Variants in SMYD3 observed in about 807,000 individuals in gnomAD.
SMYD3 encodes SET and MYND domain containing 3.
Under a neutral mutation model 57.7 loss-of-function variants are expected in SMYD3, and 36 were observed. That is an observed-to-expected ratio of 0.62 (90% confidence interval 0.48 to 0.82). The LOEUF is 0.82. Among genes scored for constraint, SMYD3 ranks in the 40% least tolerant of loss-of-function variants. The pLI is 0.00. For missense variants in SMYD3, 515 were observed against 538.8 expected (o/e 0.96, Z 0.44); for synonymous variants, 211 against 195.0 (o/e 1.08, Z -0.68).
intron 5 of SMYD3, among the ~76,000 whole-genome samples, chr1:246,251,348 G>A (rs72776329): frequency 0.11 from 15,878 of 139,294 alleles, 1,454 homozygotes; most frequent in East Asian, 0.27. Context: ...CTTCCACAGA[G>A]TGTTATTTTG....
chr1:245,991,725 A>G (rs540991222), intron 5 of SMYD3, among the ~76,000 whole-genome samples: 6 of 152,320 alleles, frequency 3.9e-5, no homozygotes, highest in Admixed American at 3.9e-4. Flanking sequence ...ACCAAAACAG[A>G]AGCCAATGTG....
At chr1:246,034,890 T>C (rs1208620421) in intron 5 of SMYD3, among the ~76,000 whole-genome samples, 1 of 152,190 alleles carries the variant, frequency 6.6e-6, no homozygotes, top group Non-Finnish European at 1.5e-5. Flanking sequence ...ACAAATTCGC[T>C]TGTATGAAGC....
At chr1:246,431,780 T>C (rs1553347782) in intron 1 of SMYD3, among the ~76,000 whole-genome samples, 1 of 152,164 alleles carries the variant, frequency 6.6e-6, no homozygotes, top group Non-Finnish European at 1.5e-5. Flanking sequence ...ATATCTGCTA[T>C]ACAAATTACT....
intron 10 of SMYD3, among the ~76,000 whole-genome samples, chr1:245,818,379 G>C (rs1368239566): frequency 6.6e-6 from 1 of 152,034 alleles, no homozygotes; most frequent in Admixed American, 6.6e-5. Flanking sequence ...TGCCCTAAAA[G>C]AGCTCCTGAA....
At chr1:246,378,802 T>A (rs2066333301) in intron 1 of SMYD3, among the ~76,000 whole-genome samples, 1 of 108,876 alleles carries the variant, frequency 9.2e-6, no homozygotes, top group South Asian at 2.4e-4. Context: ...ATTATTTTTA[T>A]ATATTATATA....
intron 10 of SMYD3, among the ~76,000 whole-genome samples, chr1:245,798,084 T>A (rs1313927672): frequency 7.2e-6 from 1 of 138,810 alleles, no homozygotes; most frequent in Non-Finnish European, 1.5e-5. Context: ...AGTAGAAACA[T>A]TCTTATTTTT....
chr1:245,956,125 C>A (rs1465055391), intron 5 of SMYD3: 5 of 935,650 alleles, frequency 5.3e-6, no homozygotes, highest in Non-Finnish European at 6.4e-6. Flanking sequence ...ATTTTGTTGC[C>A]CAGGCTGGTC....
At chr1:246,087,071 G>C (rs1482175919) in intron 5 of SMYD3, among the ~76,000 whole-genome samples, 1 of 152,102 alleles carries the variant, frequency 6.6e-6, no homozygotes, top group African/African-American at 2.4e-5. Context: ...TCATTTTTAT[G>C]GCTGCATAGT....
chr1:246,321,354 T>A (rs1346718073), intron 5 of SMYD3, among the ~76,000 whole-genome samples: 1 of 152,174 alleles, frequency 6.6e-6, no homozygotes, highest in Non-Finnish European at 1.5e-5. Context: ...ACTAAGTACG[T>A]TATAGTTGAT....
chr1:245,867,701 T>G (rs564016593), intron 8 of SMYD3, among the ~76,000 whole-genome samples: 2 of 148,954 alleles, frequency 1.3e-5, no homozygotes, highest in East Asian at 4.0e-4. Flanking sequence ...CACACACACA[T>G]TTTGTTGGGA....
chr1:245,951,083 C>T (rs186615695), intron 5 of SMYD3, among the ~76,000 whole-genome samples: 1 of 152,146 alleles, frequency 6.6e-6, no homozygotes, highest in East Asian at 1.9e-4. Flanking sequence ...TACACAATGG[C>T]ATTTAGAGAA....
chr1:245,836,521 G>A lies in SMYD3; in HGVS notation c.1076+21975C>T, dbSNP rs750220738. ...AGGCCACCTAAGGCACAAATGCTCC[G>A]AGTCGGTTGGGGTTTGTGTGTTCCA... On this transcript the variant is annotated intron_variant, in intron 10 of 11. Coordinates refer to ENST00000490107, the MANE Select transcript of SMYD3 (RefSeq NM_001167740.2). 1.1e-4 allele frequency among the ~76,000 whole-genome samples: 17 copies of A among 152,288 alleles called. No individual in the cohort carries two copies. In the East Asian group the frequency reaches 2.1e-3, roughly 19 times the overall value.
intron 1 of SMYD3, among the ~76,000 whole-genome samples, chr1:246,419,806 A>G (rs1183288745): frequency 2.0e-5 from 3 of 152,144 alleles, no homozygotes; most frequent in Non-Finnish European, 4.4e-5. Context: ...TCATCTAGAA[A>G]CCATCCGCCC....
chr1:246,326,323 A>G, intron 5 of SMYD3: 1 of 678,156 alleles, frequency 1.5e-6, no homozygotes, highest in South Asian at 1.7e-5. Context: ...GCAGATCCAT[A>G]GCAGTGAGGG....
chr1:245,927,663 C>T (rs2056465624), intron 7 of SMYD3, among the ~76,000 whole-genome samples: 1 of 152,182 alleles, frequency 6.6e-6, no homozygotes, highest in African/African-American at 2.4e-5. Context: ...CTCTGTCATA[C>T]ACAAACTCCT....
chr1:246,185,962 T>C (rs2062633623), intron 5 of SMYD3, among the ~76,000 whole-genome samples: 1 of 152,146 alleles, frequency 6.6e-6, no homozygotes, highest in South Asian at 2.1e-4. Flanking sequence ...TATTAAATTG[T>C]AGAATAACAG....
At chr1:245,831,068 C>G (rs1000693858) in intron 10 of SMYD3, among the ~76,000 whole-genome samples, 3 of 152,122 alleles carry the variant, frequency 2.0e-5, no homozygotes, top group Non-Finnish European at 4.4e-5. Context: ...AGAGCTAATC[C>G]CAAGTAAACA....
At chr1:246,287,381 T>C (rs1252422495) in intron 5 of SMYD3, among the ~76,000 whole-genome samples, 1 of 152,190 alleles carries the variant, frequency 6.6e-6, no homozygotes, top group Non-Finnish European at 1.5e-5. Flanking sequence ...TAAAAACCCA[T>C]GAATGTAATC....
At chr1:246,238,023 G>A (rs1330101089) in intron 5 of SMYD3, among the ~76,000 whole-genome samples, 1 of 151,958 alleles carries the variant, frequency 6.6e-6, no homozygotes, top group African/African-American at 2.4e-5. Context: ...TTTCTAAAGA[G>A]TATCTTCTGT....
Sources: gnomAD v4.1 joint callset for allele counts (sites outside exome capture counted in the v4.1 genomes callset) on GRCh38, gnomAD v4.1.1 for gene constraint, MANE v1.5 for transcripts, NCBI Gene and HGNC (gene_info 2026-07-23, HGNC 2026-07-21) for gene names.